PPARD: variants seen among roughly 807,000 people sequenced by gnomAD.
The protein encoded by PPARD is peroxisome proliferator-activated receptor delta.
Under a neutral mutation model 39.5 loss-of-function variants are expected in PPARD, and 6 were observed. The ratio of observed to expected loss-of-function variants is 0.15; its 90% CI spans 0.08 to 0.30. PPARD has a LOEUF of 0.30. PPARD is among the 10% of genes least tolerant of loss of function. PPARD has a pLI of 1.00. For synonymous variants in PPARD, 210 were observed against 231.3 expected, an observed-to-expected ratio of 0.91 and a Z score of 0.83; for missense variants, 397 against 596.8, an observed-to-expected ratio of 0.67 and a Z score of 3.49.
In PPARD at chr6:35,424,446, T is replaced by C. The variant is rs1219846086; in HGVS notation, c.745T>C (p.Cys249Arg). ...KEISVHVFYR[C>R]QCTTVETVRE... ...GATCAGCGTGCACGTCTTCTACCGCTGCCAGTGCACCACAGTGGAGACCGT... is the reference window on the plus strand; with the variant it reads ...GATCAGCGTGCACGTCTTCTACCGCCGCCAGTGCACCACAGTGGAGACCGT... Residue 249 changes from cysteine to arginine, a missense_variant, in exon 7 of 8, where the codon TGC (cysteine) becomes CGC (arginine). By Grantham distance (180) the Cys-to-Arg change is radical. Coordinates refer to ENST00000360694, the MANE Select transcript of PPARD (RefSeq NM_006238.5). The surrounding 1 kb of genome is among the most constrained non-coding windows in gnomAD (Gnocchi z 7.1). 6.2e-7 allele frequency: 1 copy of C among 1,614,240 alleles called. No homozygotes were observed. Among genetic ancestry groups the C allele is most frequent in the East Asian group, 2.2e-5 (1 of 44,880 alleles).
intron 2 of PPARD, among the ~76,000 whole-genome samples, chr6:35,394,298 G>C (rs1764186400): frequency 6.6e-6 from 1 of 152,214 alleles, no homozygotes; most frequent in South Asian, 2.1e-4. Context: ...CCATGTCTGT[G>C]CCACCTGCTG....
chr6:35,403,271 C>T (rs571504770), intron 2 of PPARD, among the ~76,000 whole-genome samples: 2 of 152,294 alleles, frequency 1.3e-5, no homozygotes, highest in East Asian at 3.9e-4. Context: ...ATTTGTAGGA[C>T]CCTTACTATC....
At chr6:35,399,948 T>C (rs921602770) in intron 2 of PPARD, among the ~76,000 whole-genome samples, 1 of 152,234 alleles carries the variant, frequency 6.6e-6, no homozygotes, top group Non-Finnish European at 1.5e-5. Flanking sequence ...TTTTTGTTAT[T>C]ATAAATAACA....
chr6:35,401,308 G>T lies in PPARD; in HGVS notation c.-101-9679G>T, dbSNP rs1029621624. 6.6e-6 allele frequency among the ~76,000 whole-genome samples: 1 copy of T among 152,038 alleles called. No individual in the cohort carries two copies. The highest frequency in any genetic ancestry group is 1.5e-5 in the Non-Finnish European group (1 of 68,006). On this transcript the variant is annotated intron_variant, in intron 2 of 7. Coordinates refer to ENST00000360694, the MANE Select transcript of PPARD (RefSeq NM_006238.5). This position sits in a 1 kb window ranked among gnomAD's most constrained non-coding sequence, Gnocchi z 4.1. ...TCCCCTCCTGCCGACTCCCTTGCCA[G>T]GTTTGCTGTAACTATTGCTCCTCCG...
chr6:35,349,663 TAA>T (rs1214044304), intron 2 of PPARD, among the ~76,000 whole-genome samples: 1 of 151,686 alleles, frequency 6.6e-6, no homozygotes, highest in Admixed American at 6.6e-5. Context: ...TGTGCCTGGC[TAA>T]GTTTTTTTTT....
In PPARD at chr6:35,427,493, C is replaced by G. The variant is rs200996681; in HGVS notation, c.*1414C>G. On this transcript the variant is annotated 3_prime_UTR_variant, in exon 8 of 8. Coordinates refer to ENST00000360694, the MANE Select transcript of PPARD (RefSeq NM_006238.5). Reference sequence around the variant, plus strand: ...TGTCCCAATAGCTCTACTGCCCTCCCCTTCCCCTTTACTCAGCCCAGCTGG... The same window carrying G: ...TGTCCCAATAGCTCTACTGCCCTCCGCTTCCCCTTTACTCAGCCCAGCTGG... 1.3e-5 allele frequency: 2 copies of G among 152,740 alleles called. No homozygotes were observed. Among genetic ancestry groups the G allele is most frequent in the Non-Finnish European group, 2.9e-5 (2 of 68,472 alleles). The allele number at this position is 152,740 out of a possible 1,614,324, so 9.5% of individuals were successfully genotyped here.
chr6:35,421,582 C>T lies in PPARD; in HGVS notation c.286-238C>T, dbSNP rs528547242. On this transcript the variant is annotated intron_variant, in intron 4 of 7. Transcript: ENST00000360694. ...CTCAAACTCCTGACCTCAGGTGATC[C>T]GCCCACCTCGGCCTCTCAAAGTGCT... Among the ~76,000 whole-genome samples the T allele has an allele frequency of 4.6e-5, 7 of 152,042 alleles. No homozygotes were observed. The East Asian group carries it at 9.7e-4, about 21-fold the overall frequency.
intron 2 of PPARD, among the ~76,000 whole-genome samples, chr6:35,393,849 G>T (rs1008482499): frequency 6.6e-6 from 1 of 152,154 alleles, no homozygotes; most frequent in African/African-American, 2.4e-5. Context: ...AAAGCAACCA[G>T]CTAGGCATGC....
intron 2 of PPARD, among the ~76,000 whole-genome samples, chr6:35,376,003 C>T (rs561201536): frequency 1.3e-5 from 2 of 152,194 alleles, no homozygotes; most frequent in East Asian, 3.9e-4. Flanking sequence ...TGTATATATG[C>T]TTTTGTTTGG....
At chr6:35,387,002 C>G (rs578097858) in intron 2 of PPARD, among the ~76,000 whole-genome samples, 1 of 151,196 alleles carries the variant, frequency 6.6e-6, no homozygotes, top group South Asian at 2.1e-4. Context: ...CACCTCCTGA[C>G]AAATATATAA....
intron 2 of PPARD, among the ~76,000 whole-genome samples, chr6:35,409,611 T>C (rs1382041204): frequency 6.6e-6 from 1 of 151,962 alleles, no homozygotes; most frequent in African/African-American, 2.4e-5. Context: ...GTTATGTGGG[T>C]GAACTTGTGT....
At chr6:35,396,215 T>C (rs867930092) in intron 2 of PPARD, among the ~76,000 whole-genome samples, 11 of 151,770 alleles carry the variant, frequency 7.2e-5, no homozygotes, top group African/African-American at 1.2e-4. Flanking sequence ...TCTTCTTCTT[T>C]TTTTTTTTAG....
intron 2 of PPARD, among the ~76,000 whole-genome samples, chr6:35,358,318 A>C (rs1454953445): frequency 1.3e-5 from 2 of 152,174 alleles, no homozygotes. Flanking sequence ...TTCCCTTAGA[A>C]CCTCTGGAGG....
intron 2 of PPARD, among the ~76,000 whole-genome samples, chr6:35,398,764 A>G (rs886957405): frequency 6.6e-6 from 1 of 152,194 alleles, no homozygotes; most frequent in African/African-American, 2.4e-5. Context: ...TCACTATCAC[A>G]TGCTATCGTG....
chr6:35,411,593 C>A (rs1221080010), intron 3 of PPARD, among the ~76,000 whole-genome samples: 1 of 152,196 alleles, frequency 6.6e-6, no homozygotes, highest in East Asian at 1.9e-4. Context: ...CTAGAAAGAT[C>A]AGCTGTACCT....
intron 2 of PPARD, chr6:35,348,810 A>C (rs1219825878): frequency 3.0e-6 from 3 of 985,180 alleles, no homozygotes; most frequent in Non-Finnish European, 3.6e-6. Flanking sequence ...AGAAGGGGGG[A>C]GTTTCAGAGA....
chr6:35,414,912 C>G (rs371274212), intron 3 of PPARD, among the ~76,000 whole-genome samples: 4 of 152,158 alleles, frequency 2.6e-5, no homozygotes, highest in Non-Finnish European at 5.9e-5. Context: ...CACCCTCCCC[C>G]CAGCCAGGCA....
chr6:35,377,545 G>C (rs1188705211), intron 2 of PPARD, among the ~76,000 whole-genome samples: 1 of 152,196 alleles, frequency 6.6e-6, no homozygotes, highest in African/African-American at 2.4e-5. Context: ...TTAGGGTCCA[G>C]CTGTTTGGCT....
At chr6:35,389,513 A>G (rs1348649158) in intron 2 of PPARD, among the ~76,000 whole-genome samples, 4 of 151,972 alleles carry the variant, frequency 2.6e-5, no homozygotes, top group Non-Finnish European at 5.9e-5. Context: ...GGGTTTCACC[A>G]TGTTGGCCAG....
Sources: allele counts gnomAD v4.1 joint callset (sites outside exome capture counted in the v4.1 genomes callset), GRCh38; gene constraint gnomAD v4.1.1; non-coding constraint Gnocchi (gnomAD v3.1); transcripts MANE v1.5; gene names NCBI Gene and HGNC (gene_info 2026-07-23, HGNC 2026-07-21).